The following KRCC1 variants were observed in gnomAD, a reference collection of about 807,000 sequenced individuals.
KRCC1 encodes lysine rich coiled-coil 1.
A neutral mutation model predicts 7.4 loss-of-function variants in KRCC1; 3 were observed. The observed-to-expected ratio is 0.40, with a 90% confidence interval of 0.18 to 1.04. KRCC1 has a LOEUF of 1.04. KRCC1 is among the 50% of genes least tolerant of loss of function. The pLI is 0.33. For synonymous variants in KRCC1, 102 were observed against 101.6 expected (o/e 1.00, Z -0.02); for missense variants, 277 against 300.9 (o/e 0.92, Z 0.59).
intron 1 of KRCC1, among the ~76,000 whole-genome samples, chr2:88,039,511 A>T (rs559699363): frequency 4.6e-5 from 7 of 152,038 alleles, no homozygotes; most frequent in African/African-American, 1.7e-4. Flanking sequence ...ACATGGCAAA[A>T]CCCTGTCTCT....
intron 1 of KRCC1, among the ~76,000 whole-genome samples, chr2:88,040,339 T>C (rs1233669828): frequency 1.3e-5 from 2 of 152,366 alleles, no homozygotes; most frequent in Non-Finnish European, 2.9e-5. Flanking sequence ...TTCAAAGCTA[T>C]TCTTTCATTT....
intron 2 of KRCC1, 99 bp downstream of exon 2, chr2:88,036,844 T>C (rs1005630528): frequency 6.6e-6 from 1 of 152,190 alleles, no homozygotes; most frequent in Non-Finnish European, 1.5e-5. Flanking sequence ...AAAAGGACAA[T>C]ACTTTTCTTG....
Position 88,028,171 on chromosome 2 carries a change from A to G in KRCC1, c.393T>C (p.Gly131=), listed in dbSNP as rs1259587024. Residue 131 remains glycine, a synonymous_variant, in exon 4 of 4, where the codon GGT becomes GGC. Transcript: ENST00000347055. ...NQQEYICGSH[G]VEHRVYKHFS... is the part of the protein sequence containing the mutation. ...AGTGCTTGTAAACTCTATGTTCTAC[A>G]CCATGTGAGCCACAAATATATTCTT... The G allele has an allele frequency of 5.6e-6, 9 of 1,614,170 alleles. No individual in the cohort carries two copies. The highest frequency in any genetic ancestry group is 7.6e-6 in the Non-Finnish European group (9 of 1,180,030).
intron 1 of KRCC1, among the ~76,000 whole-genome samples, chr2:88,054,821 CAGCTGGGCGCGGTAGCT>C (rs1673577040): frequency 6.6e-6 from 1 of 152,212 alleles, no homozygotes; most frequent in African/African-American, 2.4e-5. Context: ...TATTAAAACT[CAGCTGGGCGCGGTAGCT>C]CGCGCCCGTA....
At chr2:88,033,927 A>C (rs1450257978) in intron 3 of KRCC1, among the ~76,000 whole-genome samples, 1 of 152,246 alleles carries the variant, frequency 6.6e-6, no homozygotes, top group East Asian at 1.9e-4. Flanking sequence ...AAGTAGAAAT[A>C]ACCAACCAAT....
intron 1 of KRCC1, among the ~76,000 whole-genome samples, chr2:88,043,975 T>G (rs1221513148): frequency 6.6e-6 from 1 of 152,136 alleles, no homozygotes; most frequent in Non-Finnish European, 1.5e-5. Flanking sequence ...GCGCCCGGCC[T>G]CACGTTACTA....
At chr2:88,042,414 C>T (rs1413923585) in intron 1 of KRCC1, among the ~76,000 whole-genome samples, 1 of 148,856 alleles carries the variant, frequency 6.7e-6, no homozygotes, top group African/African-American at 2.5e-5. Flanking sequence ...TGACTGCCCA[C>T]CCCCACCCCA....
chr2:88,034,955 C>T (rs1439385274), intron 2 of KRCC1, among the ~76,000 whole-genome samples: 2 of 151,498 alleles, frequency 1.3e-5, no homozygotes, highest in African/African-American at 4.9e-5. Flanking sequence ...TTTTTTTTAC[C>T]CTGGAATAAT....
rs1468011212 is a variant in KRCC1, at chr2:88,034,229, G to T, written c.-118C>A. 6.6e-6 allele frequency: 1 copy of T among 152,570 alleles called. No individual in the cohort carries two copies. Among genetic ancestry groups the T allele is most frequent in the Admixed American group, 6.5e-5 (1 of 15,270 alleles). 9.5% of individuals were successfully genotyped at this position (152,570 alleles called of 1,614,324 possible). A position where few individuals can be genotyped will look rare whatever the true frequency, so the allele number is the denominator to read the frequency against. ...ATAGTGAGACTACACAATAACTGGT[G>T]AGCTAAAAACCACAATTCAGAGATC... On this transcript the variant is annotated 5_prime_UTR_variant, in exon 3 of 4. Transcript: ENST00000347055.
chr2:88,055,061 C>T (rs1344473303), intron 1 of KRCC1, among the ~76,000 whole-genome samples: 1 of 151,890 alleles, frequency 6.6e-6, no homozygotes, highest in Non-Finnish European at 1.5e-5. Context: ...AGGGCCATAT[C>T]CTCAAAAGCC....
At chr2:88,055,392 G>A (rs1673597205) in intron 1 of KRCC1, among the ~76,000 whole-genome samples, 2 of 152,104 alleles carry the variant, frequency 1.3e-5, no homozygotes, top group South Asian at 4.1e-4. Flanking sequence ...CTCCGACCTC[G>A]GCTTCCTCCG....
chr2:88,052,192 AT>A (rs929297133), intron 1 of KRCC1, among the ~76,000 whole-genome samples: 1 of 152,116 alleles, frequency 6.6e-6, no homozygotes, highest in Non-Finnish European at 1.5e-5. Context: ...TTGCCAAATT[AT>A]TTTTTTCCAC....
At chr2:88,053,854 CTT>C (rs1430241854) in intron 1 of KRCC1, among the ~76,000 whole-genome samples, 2 of 152,164 alleles carry the variant, frequency 1.3e-5, no homozygotes, top group Non-Finnish European at 2.9e-5. Context: ...AGGTGTCTCT[CTT>C]GGAAAAAGGA....
rs185602248 is a variant in KRCC1 at position 88,050,689 on chromosome 2, A to G, written c.-291+4937T>C. 2.5e-4 allele frequency among the ~76,000 whole-genome samples: 38 copies of G among 152,330 alleles called. No homozygotes were observed. The East Asian group carries it at 6.7e-3, about 27-fold the overall frequency. On this transcript the variant is annotated intron_variant, in intron 1 of 3. Transcript: ENST00000347055. ...TTTTTGTTGTAGTTTTGTTTTTACT[A>G]TGATTACTCAGGAATACCATTATTT...
chr2:88,031,666 T>C (rs1371340084), intron 3 of KRCC1, among the ~76,000 whole-genome samples: 1 of 151,148 alleles, frequency 6.6e-6, no homozygotes, highest in Admixed American at 6.6e-5. Flanking sequence ...AAGAATAAAA[T>C]AGGAAAAGGC....
At position 88,029,872 on chromosome 2, in the gene KRCC1, G is replaced by A. The variant is rs1384206971; in HGVS notation, c.-22-1287C>T. 1.3e-4 allele frequency among the ~76,000 whole-genome samples: 19 copies of A among 144,340 alleles called. 1 individual carries two copies. The highest frequency in any genetic ancestry group is 2.3e-4 in the Non-Finnish European group (15 of 66,560). 94.7% of individuals were successfully genotyped at this position (144,340 alleles called of 152,430 possible). A position where few individuals can be genotyped will look rare whatever the true frequency, so the allele number is the denominator to read the frequency against. ...TATATATATTTTTTTTTTTGAGATGGAGTCTTGCCCTATCACCCAGGCTGG... is the reference window on the plus strand; with the variant it reads ...TATATATATTTTTTTTTTTGAGATGAAGTCTTGCCCTATCACCCAGGCTGG... On this transcript the variant is annotated intron_variant, in intron 3 of 3. Coordinates refer to ENST00000347055, the MANE Select transcript of KRCC1 (RefSeq NM_016618.3).
In KRCC1 at chr2:88,027,695, T is replaced by A; in HGVS notation, c.*89A>T. On this transcript the variant is annotated 3_prime_UTR_variant, in exon 4 of 4. Transcript: ENST00000347055. ...TTAGAAGTTAAAGAACCTATTCACATAAGAAAAGTGGTATGAACACGGATA... is the reference window on the plus strand; with the variant it reads ...TTAGAAGTTAAAGAACCTATTCACAAAAGAAAAGTGGTATGAACACGGATA... 8.6e-7 allele frequency: 1 copy of A among 1,168,078 alleles called. No individual in the cohort carries two copies. The highest frequency in any genetic ancestry group is 1.2e-6 in the Non-Finnish European group (1 of 829,366). 72.4% of individuals were successfully genotyped at this position (1,168,078 alleles called of 1,614,324 possible). A position where few individuals can be genotyped will look rare whatever the true frequency, so the allele number is the denominator to read the frequency against.
intron 1 of KRCC1, among the ~76,000 whole-genome samples, chr2:88,039,553 T>C (rs973619399): frequency 1.3e-5 from 2 of 151,982 alleles, no homozygotes; most frequent in Admixed American, 6.6e-5. Context: ...CCGGGCATGT[T>C]GGCACATGCC....
intron 1 of KRCC1, among the ~76,000 whole-genome samples, chr2:88,048,506 G>A (rs1313147598): frequency 6.6e-6 from 1 of 152,012 alleles, no homozygotes; most frequent in Non-Finnish European, 1.5e-5. Flanking sequence ...CTTTTTGCTG[G>A]CATTTAGAAA....
Sources: gnomAD v4.1 joint callset for allele counts (sites outside exome capture counted in the v4.1 genomes callset) on GRCh38, gnomAD v4.1.1 for gene constraint, MANE v1.5 for transcripts, NCBI Gene and HGNC (gene_info 2026-07-23, HGNC 2026-07-21) for gene names.